CD47: variants seen among roughly 807,000 people sequenced by gnomAD.
CD47 encodes the protein leukocyte surface antigen CD47.
CD47 carries 11 observed loss-of-function variants against 44.6 expected under a neutral mutation model. The observed-to-expected ratio is 0.25, with a 90% confidence interval of 0.16 to 0.41. The LOEUF (loss-of-function observed/expected upper bound fraction) is 0.41. Ranked by LOEUF, CD47 falls within the 10% of genes least tolerant of loss-of-function variation. CD47 has a pLI of 1.00. For synonymous variants in CD47, 140 were observed against 136.3 expected (o/e 1.03, Z -0.19); for missense variants, 306 against 386.7 (o/e 0.79, Z 1.75).
chr3:108,058,993 A>G (rs2078965823), intron 5 of CD47, among the ~76,000 whole-genome samples: 1 of 152,210 alleles, frequency 6.6e-6, no homozygotes. Flanking sequence ...GGATTTCCAT[A>G]CCATCTCTTA....
chr3:108,052,189 A>C, intron 7 of CD47: 1 of 370,656 alleles, frequency 2.7e-6, no homozygotes, highest in South Asian at 3.1e-5. Context: ...ATCTACATCA[A>C]ATAGTAAACA....
At chr3:108,055,471 A>C (rs2078898292) in intron 7 of CD47, 3 of 1,030,670 alleles carry the variant, frequency 2.9e-6, no homozygotes, top group Non-Finnish European at 4.0e-6. Flanking sequence ...AAACCATATT[A>C]ATGTTCCTCC....
At chr3:108,090,691 C>T (rs1019444883) in intron 1 of CD47, among the ~76,000 whole-genome samples, 172 bp downstream of exon 1, 1 of 152,052 alleles carries the variant, frequency 6.6e-6, no homozygotes, top group African/African-American at 2.4e-5. Context: ...AAGGGGGGCG[C>T]CCGATTCCCC....
At chr3:108,059,033 TAAAAC>T (rs2078966738) in intron 5 of CD47, among the ~76,000 whole-genome samples, 1 of 152,212 alleles carries the variant, frequency 6.6e-6, no homozygotes, top group Non-Finnish European at 1.5e-5. Context: ...TGCTAATAAT[TAAAAC>T]AAATATGTTT....
intron 1 of CD47, among the ~76,000 whole-genome samples, chr3:108,089,215 T>C (rs1332221165): frequency 6.6e-6 from 1 of 152,260 alleles, no homozygotes. Context: ...ATTTTGCTTT[T>C]TTTTTAGGTT....
At chr3:108,074,426 G>A (rs1226367330) in intron 2 of CD47, among the ~76,000 whole-genome samples, 1 of 152,036 alleles carries the variant, frequency 6.6e-6, no homozygotes, top group Non-Finnish European at 1.5e-5. Flanking sequence ...CAATTCTCCT[G>A]TCTCAGCCTC....
chr3:108,082,230 A>G (rs998719678), intron 1 of CD47, among the ~76,000 whole-genome samples: 1 of 151,974 alleles, frequency 6.6e-6, no homozygotes, highest in Non-Finnish European at 1.5e-5. Context: ...GACTCTATAG[A>G]AGCCTGTGCC....
intron 7 of CD47, 26 bp downstream of exon 7, chr3:108,057,451 G>C: frequency 9.6e-7 from 1 of 1,044,432 alleles, no homozygotes; most frequent in East Asian, 2.4e-5. Flanking sequence ...TATTGGCATA[G>C]GTTAATGAAA....
intron 3 of CD47, among the ~76,000 whole-genome samples, chr3:108,063,302 C>T (rs1178978634): frequency 6.6e-6 from 1 of 152,044 alleles, no homozygotes; most frequent in African/African-American, 2.4e-5. Flanking sequence ...ACTTCTGGTC[C>T]CAGGCATTCT....
At position 108,051,981 on chromosome 3, in the gene CD47, T is replaced by A. The variant is rs374868908; in HGVS notation, c.878-11A>T. The A allele has an allele frequency of 8.2e-7, 1 of 1,217,724 alleles. No homozygotes were observed. Among genetic ancestry groups the A allele is most frequent in the African/African-American group, 1.5e-5 (1 of 67,010 alleles). The allele number at this position is 1,217,724 out of a possible 1,614,324, so 75.4% of individuals were successfully genotyped here. A position where few individuals can be genotyped will look rare whatever the true frequency, so the allele number is the denominator to read the frequency against. On this transcript the variant is annotated splice_polypyrimidine_tract_variant and intron_variant, in intron 7 of 10. Transcript: ENST00000361309. The stretch of plus-strand genomic sequence containing the variant: ...TCTTCTGATTGGAAGCTGATATAAA[T>A]AACAAATAAGAATATAAATTTAATA...
intron 3 of CD47, among the ~76,000 whole-genome samples, chr3:108,065,882 A>G (rs1309673887): frequency 6.8e-6 from 1 of 147,516 alleles, no homozygotes; most frequent in Non-Finnish European, 1.5e-5. Flanking sequence ...TCTTATTACC[A>G]GGGGCCATCA....
At chr3:108,061,611 T>C (rs2108237752) in intron 3 of CD47, among the ~76,000 whole-genome samples, 1 of 152,348 alleles carries the variant, frequency 6.6e-6, no homozygotes, top group South Asian at 2.1e-4. Flanking sequence ...CTGTCAAGTA[T>C]CTCATACCTT....
At chr3:108,080,849 G>A (rs1577014905) in intron 1 of CD47, among the ~76,000 whole-genome samples, 1 of 151,744 alleles carries the variant, frequency 6.6e-6, no homozygotes, top group Non-Finnish European at 1.5e-5. Context: ...AAAAGTGGCA[G>A]GTTCTACTGT....
intron 4 of CD47, among the ~76,000 whole-genome samples, chr3:108,060,036 G>A (rs2078983684): frequency 6.6e-6 from 1 of 152,110 alleles, no homozygotes. Flanking sequence ...GCCTTCCTTT[G>A]CTTTTCTTTA....
chr3:108,089,879 C>A (rs1200025926), intron 1 of CD47, among the ~76,000 whole-genome samples: 2 of 151,960 alleles, frequency 1.3e-5, no homozygotes, highest in East Asian at 3.9e-4. Context: ...TCACAAAAGG[C>A]TCTATGGATG....
At chr3:108,055,645 C>T (rs1311355969) in intron 7 of CD47, 4 of 776,090 alleles carry the variant, frequency 5.2e-6, no homozygotes, top group African/African-American at 1.8e-5. Flanking sequence ...TAAAATTGCA[C>T]TAAATTTTAA....
Position 108,044,415 on chromosome 3 carries a change from CAAAAAAAAAAAAAAAAAAAA to C in CD47, c.*2853_*2872del, listed in dbSNP as rs55777019. The C allele has an allele frequency of 2.9e-5, 1 of 34,106 alleles. No individual in the cohort carries two copies. Among genetic ancestry groups the C allele is most frequent in the Non-Finnish European group, 6.3e-5 (1 of 15,942 alleles). The allele number at this position is 34,106 out of a possible 1,614,324, so 2.1% of individuals were successfully genotyped here. ...GGTTTTTAGAGCATGTGAAATTAGTCAAAAAAAAAAAAAAAAAAAAAAAAAAAAAAAACAAAAAAAAAAAA... is the reference window on the plus strand; with the variant it reads ...GGTTTTTAGAGCATGTGAAATTAGTCAAAAAAAAAAAACAAAAAAAAAAAA... On this transcript the variant is annotated 3_prime_UTR_variant, in exon 11 of 11. Transcript: ENST00000361309.
intron 2 of CD47, among the ~76,000 whole-genome samples, chr3:108,076,697 G>A (rs1157754941): frequency 6.6e-6 from 1 of 152,182 alleles, no homozygotes; most frequent in Non-Finnish European, 1.5e-5. Flanking sequence ...GCAAATAAAT[G>A]TTAGGTCACT....
At chr3:108,071,251 A>G (rs1183011520) in intron 2 of CD47, 69 bp from the exon 3 acceptor site, 3 of 709,838 alleles carry the variant, frequency 4.2e-6, no homozygotes, top group East Asian at 2.8e-5. Flanking sequence ...CTAATGGTCT[A>G]TAATACATGC....
Sources: gnomAD v4.1 joint callset for allele counts (sites outside exome capture counted in the v4.1 genomes callset) on GRCh38, gnomAD v4.1.1 for gene constraint, MANE v1.5 for transcripts, NCBI Gene and HGNC (gene_info 2026-07-23, HGNC 2026-07-21) for gene names.